Variants in UGT1A8 observed in about 807,000 individuals in gnomAD.
The protein encoded by UGT1A8 is UDP-glucuronosyltransferase 1A8.
A neutral mutation model predicts 45.3 loss-of-function variants in UGT1A8; 39 were observed. The observed-to-expected ratio is 0.86, with a 90% CI of 0.67 to 1.12. The LOEUF (loss-of-function observed/expected upper bound fraction) is 1.12, where lower values mean the gene tolerates loss of function less well. Ranked by LOEUF, UGT1A8 falls within the 50% of genes most tolerant of loss-of-function variation. UGT1A8 has a pLI of 0.00. For missense variants in UGT1A8, 719 were observed against 664.9 expected (o/e 1.08, Z -0.90); for synonymous variants, 275 against 249.2 (o/e 1.10, Z -0.97).
chr2:233,715,252 A>C (rs74669452), intron 1 of UGT1A8, among the ~76,000 whole-genome samples: 1,791 of 152,300 alleles, frequency 0.012, 19 homozygotes, highest in South Asian at 0.027. Flanking sequence ...GTCTTTTAAA[A>C]AATCCCCTTA....
chr2:233,676,510 T>C (rs2074363792), intron 1 of UGT1A8, among the ~76,000 whole-genome samples: 1 of 152,208 alleles, frequency 6.6e-6, no homozygotes, highest in South Asian at 2.1e-4. Flanking sequence ...CTAAAGTCTG[T>C]TTCCTTCAGA....
chr2:233,693,271 C>T, intron 1 of UGT1A8: 2 of 1,614,100 alleles, frequency 1.2e-6, no homozygotes, highest in Non-Finnish European at 1.7e-6. Context: ...AGCTGAAGAA[C>T]CGTTACCAAT....
chr2:233,670,731 G>T (rs999335945), intron 1 of UGT1A8, among the ~76,000 whole-genome samples: 2 of 152,138 alleles, frequency 1.3e-5, no homozygotes, highest in African/African-American at 2.4e-5. Context: ...TGTTGGGTTT[G>T]CAGGCAAGTA....
rs1333719360 is a variant in UGT1A8, at chr2:233,772,369, C to T, written c.1403C>T (p.Ala468Val). 23 of 1,614,110 alleles carry T rather than the reference C, an allele frequency of 1.4e-5. No homozygotes were observed. Among genetic ancestry groups the T allele is most frequent in the African/African-American group, 8.0e-5 (6 of 74,934 alleles). ...GAGTTTGTGATGAGGCACAAGGGCG[C>T]GCCACACCTGCGCCCCGCAGCCCAC... Reference protein sequence around the residue: ...WVEFVMRHKGAPHLRPAAHDL... With the variant: ...WVEFVMRHKGVPHLRPAAHDL... Residue 468 changes from alanine to valine, a missense_variant, in exon 5 of 5, where the codon GCG (alanine) becomes GTG (valine). By Grantham distance (64) the Ala-to-Val change is moderately conservative. Transcript: ENST00000373450.
chr2:233,728,311 T>G (rs1219809446), intron 1 of UGT1A8, among the ~76,000 whole-genome samples: 2 of 152,208 alleles, frequency 1.3e-5, no homozygotes, highest in Non-Finnish European at 1.5e-5. Flanking sequence ...GTGCAAGATC[T>G]GAGGCCAGGC....
intron 1 of UGT1A8, among the ~76,000 whole-genome samples, chr2:233,640,529 T>TA (rs1329945366): frequency 6.6e-6 from 1 of 152,238 alleles, no homozygotes; most frequent in Admixed American, 6.5e-5. Context: ...AACATCTTTT[T>TA]ATGTTGATCT....
At chr2:233,681,075 T>C (rs1248769670) in intron 1 of UGT1A8, among the ~76,000 whole-genome samples, 5 of 151,788 alleles carry the variant, frequency 3.3e-5, no homozygotes, top group Non-Finnish European at 5.9e-5. Context: ...GTCACAATTG[T>C]GGCTCACCTG....
At chr2:233,731,724 G>T (rs2078197390) in intron 1 of UGT1A8, among the ~76,000 whole-genome samples, 1 of 152,166 alleles carries the variant, frequency 6.6e-6, no homozygotes, top group Non-Finnish European at 1.5e-5. Context: ...TTGCTATTGT[G>T]AATAGTGCCA....
chr2:233,725,175 T>C (rs1280099835), intron 1 of UGT1A8, among the ~76,000 whole-genome samples: 1 of 81,992 alleles, frequency 1.2e-5, no homozygotes, highest in African/African-American at 7.9e-5. Context: ...AGGGAGACCG[T>C]GGGGAGAGGC....
intron 1 of UGT1A8, among the ~76,000 whole-genome samples, chr2:233,653,607 G>GT (rs1181024074): frequency 6.6e-6 from 1 of 151,930 alleles, no homozygotes; most frequent in Non-Finnish European, 1.5e-5. Flanking sequence ...GTTTTGTTTT[G>GT]TTTTTTTGAG....
chr2:233,767,903 C>T lies in UGT1A8; in HGVS notation c.1042C>T (p.Leu348Phe), dbSNP rs549391527. 1 of 1,614,178 alleles carries T rather than the reference C, an allele frequency of 6.2e-7. No homozygotes were observed. Among genetic ancestry groups the T allele is most frequent in the Admixed American group, 1.7e-5 (1 of 60,018 alleles). Residue 348 changes from leucine to phenylalanine, a missense_variant, in exon 3 of 5, where the codon CTT becomes TTT. Coordinates refer to ENST00000373450, the MANE Select transcript of UGT1A8 (RefSeq NM_019076.5). ...ATCGAATCTTGCGAACAACACGATA[C>T]TTGTTAAGTGGCTACCCCAAAACGA... Reference protein sequence around the residue: ...RPSNLANNTILVKWLPQNDLL... With the variant: ...RPSNLANNTIFVKWLPQNDLL...
chr2:233,701,045 G>A (rs1263864656), intron 1 of UGT1A8, among the ~76,000 whole-genome samples: 1 of 152,130 alleles, frequency 6.6e-6, no homozygotes, highest in Non-Finnish European at 1.5e-5. Context: ...CAAAGGACAT[G>A]AACTCATAAT....
At chr2:233,720,365 G>A (rs920594093) in intron 1 of UGT1A8, among the ~76,000 whole-genome samples, 1 of 152,064 alleles carries the variant, frequency 6.6e-6, no homozygotes, top group Admixed American at 6.5e-5. Flanking sequence ...ATGTCAAAAG[G>A]GTCTTCTACT....
At chr2:233,748,166 C>T in intron 1 of UGT1A8, 1 of 1,593,318 alleles carries the variant, frequency 6.3e-7, no homozygotes, top group South Asian at 1.1e-5. Context: ...TCCATATCTA[C>T]TTATCTTTCT....
chr2:233,743,928 A>G, intron 1 of UGT1A8: 1 of 1,360,462 alleles, frequency 7.4e-7, no homozygotes. Context: ...CTGGATGGCC[A>G]GAACGGCCCA....
chr2:233,658,581 C>A (rs755085455), intron 1 of UGT1A8, among the ~76,000 whole-genome samples: 1 of 152,058 alleles, frequency 6.6e-6, no homozygotes, highest in Non-Finnish European at 1.5e-5. Flanking sequence ...CAGTTCTGGT[C>A]GGATGTTCTG....
intron 1 of UGT1A8, among the ~76,000 whole-genome samples, chr2:233,638,522 T>C (rs748248829): frequency 3.9e-5 from 6 of 152,200 alleles, no homozygotes; most frequent in Admixed American, 2.0e-4. Flanking sequence ...TATTATTGAG[T>C]AATATTGTTA....
rs916985968 is a variant in UGT1A8, at chr2:233,653,261, G to A, written c.855+34699G>A. On this transcript the variant is annotated intron_variant, in intron 1 of 4. Coordinates refer to ENST00000373450, the MANE Select transcript of UGT1A8 (RefSeq NM_019076.5). ...TTATTTGAAAAACATATAAAAACAC[G>A]ACAGACCACTTCATAGGCCACTTTA... is the stretch of plus-strand genomic sequence containing the variant. 2.0e-5 allele frequency among the ~76,000 whole-genome samples: 3 copies of A among 152,174 alleles called. No individual in the cohort carries two copies. The East Asian group carries it at 5.8e-4, about 29-fold the overall frequency.
At chr2:233,637,236 T>C (rs1167011336) in intron 1 of UGT1A8, 6 of 1,613,846 alleles carry the variant, frequency 3.7e-6, no homozygotes, top group Non-Finnish European at 5.1e-6. Flanking sequence ...TCCAAACCCC[T>C]GTCACGGCAT....
Sources: gnomAD v4.1 joint callset for allele counts (sites outside exome capture counted in the v4.1 genomes callset) on GRCh38, gnomAD v4.1.1 for gene constraint, MANE v1.5 for transcripts, NCBI Gene and HGNC (gene_info 2026-07-23, HGNC 2026-07-21) for gene names.